The following TXNDC11 variants were observed in gnomAD, a reference collection of about 807,000 sequenced individuals.
TXNDC11 encodes thioredoxin domain containing 11.
Under a neutral mutation model 78.0 loss-of-function variants are expected in TXNDC11, and 68 were observed. That is an observed-to-expected ratio of 0.87 (90% CI 0.72 to 1.07). TXNDC11 has a LOEUF of 1.07. Among genes scored for constraint, TXNDC11 ranks in the 50% least tolerant of loss-of-function variants. TXNDC11 has a pLI of 0.00. For missense variants in TXNDC11, 1,389 were observed against 1,221.8 expected, an observed-to-expected ratio of 1.14 and a Z score of -2.04; for synonymous variants, 571 against 495.2, an observed-to-expected ratio of 1.15 and a Z score of -2.03.
At chr16:11,696,082 C>T (rs1486630177) in intron 7 of TXNDC11, among the ~76,000 whole-genome samples, 1 of 151,956 alleles carries the variant, frequency 6.6e-6, no homozygotes, top group African/African-American at 2.4e-5. Context: ...TCTTGAAATC[C>T]TCAGAGAAGT....
rs192192401 is a variant in TXNDC11 at position 11,712,098 on chromosome 16, C to T, written c.793+9479G>A. ...TATCAACTTCCAAACATGAAAAAAACAAACTTGGAGAAACAGGATCAACAC... is the reference window on the plus strand; with the variant it reads ...TATCAACTTCCAAACATGAAAAAAATAAACTTGGAGAAACAGGATCAACAC... On this transcript the variant is annotated intron_variant, in intron 5 of 11. Coordinates refer to ENST00000283033, the MANE Select transcript of TXNDC11 (RefSeq NM_015914.7). Among the ~76,000 whole-genome samples, 18 of 152,102 alleles carry T rather than the reference C, an allele frequency of 1.2e-4. No individual in the cohort carries two copies. The East Asian group carries it at 3.5e-3, about 29-fold the overall frequency.
intron 5 of TXNDC11, among the ~76,000 whole-genome samples, chr16:11,719,083 G>A (rs780680619): frequency 6.6e-6 from 1 of 152,176 alleles, no homozygotes; most frequent in African/African-American, 2.4e-5. Context: ...AATAATTTAA[G>A]ATGAGTAATG....
chr16:11,711,470 C>T (rs532996939), intron 5 of TXNDC11, among the ~76,000 whole-genome samples: 41 of 152,196 alleles, frequency 2.7e-4, no homozygotes, highest in Non-Finnish European at 3.2e-4. Flanking sequence ...TTTCCAGCTC[C>T]AAAGGTTACC....
Position 11,679,883 on chromosome 16 carries a change from C to A in TXNDC11, c.2235-46G>T. On this transcript the variant is annotated intron_variant, in intron 11 of 11. Coordinates refer to ENST00000283033, the MANE Select transcript of TXNDC11 (RefSeq NM_015914.7). This position sits in a 1 kb window ranked among gnomAD's most constrained non-coding sequence, Gnocchi z 4.6. ...AGCAAAGACAGGAGTCACACCAACA[C>A]AATGAGTCCAAAAGCAGGCTGTACC... is the stretch of plus-strand genomic sequence containing the variant. 1 of 1,543,348 alleles carries A rather than the reference C, an allele frequency of 6.5e-7. No individual in the cohort carries two copies. The highest frequency in any genetic ancestry group is 8.8e-7 in the Non-Finnish European group (1 of 1,130,740).
chr16:11,717,362 T>A (rs1052495619), intron 5 of TXNDC11, among the ~76,000 whole-genome samples: 1 of 127,762 alleles, frequency 7.8e-6, no homozygotes, highest in African/African-American at 3.0e-5. Flanking sequence ...CCCTTGAACC[T>A]GGGCGGAGGT....
chr16:11,699,501 G>C (rs1292437180), intron 6 of TXNDC11, among the ~76,000 whole-genome samples: 1 of 152,212 alleles, frequency 6.6e-6, no homozygotes, highest in East Asian at 1.9e-4. Flanking sequence ...ATGGGAGTTT[G>C]AAAAACCATA....
rs370431441 is a variant in TXNDC11 at position 11,730,638 on chromosome 16, C to T, written c.699+7G>A. The T allele has an allele frequency of 1.9e-5, 31 of 1,613,190 alleles. No homozygotes were observed. The highest frequency in any genetic ancestry group is 2.5e-5 in the Non-Finnish European group (30 of 1,179,416). On this transcript the variant is annotated splice_region_variant and intron_variant, in intron 4 of 11. Transcript: ENST00000283033. Reference sequence around the variant, plus strand: ...AGTATGGAGGAGGAGATATGAAAGACAAGTACCTCGTAGTTTGAGAGAAAA... The same window carrying T: ...AGTATGGAGGAGGAGATATGAAAGATAAGTACCTCGTAGTTTGAGAGAAAA...
Position 11,679,807 on chromosome 16 carries a change from G to A in TXNDC11, c.2265C>T (p.Asp755=), listed in dbSNP as rs760517853. The A allele has an allele frequency of 5.0e-6, 8 of 1,613,072 alleles. No homozygotes were observed. The Admixed American group carries it at 8.3e-5, about 17-fold the overall frequency. Residue 755 remains aspartate, a synonymous_variant, in exon 12 of 12, where the codon GAC becomes GAT. Coordinates refer to ENST00000283033, the MANE Select transcript of TXNDC11 (RefSeq NM_015914.7). This position sits in a 1 kb window ranked among gnomAD's most constrained non-coding sequence, Gnocchi z 4.6. ...ACAGGTTTGGAAGGGTGATGGGGACGTCTTCGGGGTATTTCACACTTAGGT... is the reference window on the plus strand; with the variant it reads ...ACAGGTTTGGAAGGGTGATGGGGACATCTTCGGGGTATTTCACACTTAGGT... ...RKDLSVKYPE[D]VPITLPNLLR...
intron 5 of TXNDC11, among the ~76,000 whole-genome samples, chr16:11,710,523 G>C (rs1036446891): frequency 2.6e-5 from 4 of 152,166 alleles, no homozygotes; most frequent in Admixed American, 1.3e-4. Flanking sequence ...AGAAAAGGCC[G>C]CTGGGCCATG....
At chr16:11,699,796 G>C (rs2050960347) in intron 6 of TXNDC11, among the ~76,000 whole-genome samples, 1 of 152,246 alleles carries the variant, frequency 6.6e-6, no homozygotes, top group Non-Finnish European at 1.5e-5. Flanking sequence ...AGTGATGCGA[G>C]AGAGACAGAA....
intron 8 of TXNDC11, chr16:11,688,649 G>T: frequency 2.1e-6 from 1 of 474,530 alleles, no homozygotes; most frequent in East Asian, 3.1e-5. Flanking sequence ...AGACAGTAAT[G>T]TGGATAACAA....
rs76324454 is a variant in TXNDC11, at chr16:11,721,607, A to G, written c.763T>C (p.Phe255Leu). 42 of 1,611,334 alleles carry G rather than the reference A, an allele frequency of 2.6e-5. No homozygotes were observed. Among genetic ancestry groups the G allele is most frequent in the Non-Finnish European group, 3.4e-5 (40 of 1,177,924 alleles). Residue 255 changes from phenylalanine (F) to leucine (L), a missense_variant, in exon 5 of 12, where the codon TTC becomes CTC. By Grantham distance (22) the Phe-to-Leu change is conservative. Transcript: ENST00000283033. ...SPQPPGYLTFFTSALHSLKKD... is the reference protein window; with the variant it reads ...SPQPPGYLTFLTSALHSLKKD... ...TTTAATGAATGTAATGCTGAGGTGAAGAAGGTCAAATAACCAGGAGGCTGG... is the reference window on the plus strand; with the variant it reads ...TTTAATGAATGTAATGCTGAGGTGAGGAAGGTCAAATAACCAGGAGGCTGG...
chr16:11,733,839 T>C (rs903571413), intron 3 of TXNDC11, 143 bp downstream of exon 3: 80 of 622,016 alleles, frequency 1.3e-4, no homozygotes, highest in Non-Finnish European at 1.9e-4. Context: ...TATCCAGATC[T>C]TTCTTTTTTA....
At chr16:11,715,353 G>T (rs531155462) in intron 5 of TXNDC11, among the ~76,000 whole-genome samples, 79 of 151,986 alleles carry the variant, frequency 5.2e-4, no homozygotes, top group African/African-American at 1.9e-3. Flanking sequence ...GTGCACACCT[G>T]TAGTTCTAGC....
At chr16:11,686,404 G>A (rs563333082) in intron 10 of TXNDC11, among the ~76,000 whole-genome samples, 12 of 152,320 alleles carry the variant, frequency 7.9e-5, no homozygotes, top group Non-Finnish European at 1.8e-4. Context: ...CCTGGTGGAT[G>A]TAAACAATGC....
chr16:11,718,327 C>G (rs73517697), intron 5 of TXNDC11, among the ~76,000 whole-genome samples: 97 of 152,288 alleles, frequency 6.4e-4, no homozygotes, highest in African/African-American at 2.1e-3. Flanking sequence ...ATGCTGGTAG[C>G]CAGCTGAACC....
In TXNDC11 at chr16:11,742,828, C is replaced by G; in HGVS notation, c.-98G>C. The G allele has an allele frequency of 7.3e-7, 1 of 1,361,676 alleles. No individual in the cohort carries two copies. Among genetic ancestry groups the G allele is most frequent in the Non-Finnish European group, 9.4e-7 (1 of 1,062,458 alleles). 84.3% of individuals were successfully genotyped at this position (1,361,676 alleles called of 1,614,324 possible). On this transcript the variant is annotated 5_prime_UTR_variant, in exon 1 of 12. Transcript: ENST00000283033. ...TCCCCAATCCCGCAGCTCGCCGCAC[C>G]CGCTAACCCGGACGCTCCACGTCAG...
intron 6 of TXNDC11, among the ~76,000 whole-genome samples, chr16:11,699,939 C>T (rs775165739): frequency 3.9e-5 from 6 of 152,290 alleles, no homozygotes; most frequent in Middle Eastern, 3.4e-3. Flanking sequence ...CAAATGAAAT[C>T]GGGGAACAAA....
chr16:11,679,948 C>G lies in TXNDC11; in HGVS notation c.2235-111G>C, dbSNP rs1567285242. 2 of 972,328 alleles carry G rather than the reference C, an allele frequency of 2.1e-6. No homozygotes were observed. The highest frequency in any genetic ancestry group is 2.5e-5 in the East Asian group (1 of 40,654). 60.2% of individuals were successfully genotyped at this position (972,328 alleles called of 1,614,324 possible). On this transcript the variant is annotated intron_variant, in intron 11 of 11. Transcript: ENST00000283033. This position sits in a 1 kb window ranked among gnomAD's most constrained non-coding sequence, Gnocchi z 4.6. ...CTACTTCTCACCAAGAAAAGACGTT[C>G]CGTGGATTTTACTTACTGAAAGTAA...
Sources: gnomAD v4.1 joint callset for allele counts (sites outside exome capture counted in the v4.1 genomes callset) on GRCh38, gnomAD v4.1.1 for gene constraint, Gnocchi (gnomAD v3.1) non-coding constraint, MANE v1.5 for transcripts, NCBI Gene and HGNC (gene_info 2026-07-23, HGNC 2026-07-21) for gene names.